The following GNA14 variants were observed in gnomAD, a reference collection of about 807,000 sequenced individuals.
GNA14 encodes the protein guanine nucleotide-binding protein subunit alpha-14.
A neutral mutation model predicts 42.0 loss-of-function variants in GNA14; 50 were observed. That is an observed-to-expected ratio of 1.19 (90% confidence interval 0.95 to 1.51). The LOEUF (loss-of-function observed/expected upper bound fraction) is 1.51. Ranked by LOEUF, GNA14 falls within the 40% of genes most tolerant of loss-of-function variation. The pLI is 0.00. For missense variants in GNA14, 473 were observed against 446.2 expected (o/e 1.06, Z -0.54); for synonymous variants, 173 against 163.1 (o/e 1.06, Z -0.46).
At position 77,431,354 on chromosome 9, in the gene GNA14, T is replaced by A. The variant is rs1452393293; in HGVS notation, c.560A>T (p.Glu187Val). ...RVRVPTTGII[E>V]YPFDLENIIF... Reference sequence around the variant, plus strand: ...GATGTTTTCCAAGTCAAATGGATACTCAATGATGCCGGTGGTGGGCACTCG... The same window carrying A: ...GATGTTTTCCAAGTCAAATGGATACACAATGATGCCGGTGGTGGGCACTCG... The change falls in exon 4 of 7, where the codon GAG (glutamate) becomes GTG (valine). Residue 187 changes from glutamate (E) to valine (V), a missense_variant. Transcript: ENST00000341700. 6.2e-7 allele frequency: 1 copy of A among 1,613,920 alleles called. No homozygotes were observed.
At chr9:77,626,871 A>C (rs1824019917) in intron 1 of GNA14, among the ~76,000 whole-genome samples, 1 of 152,190 alleles carries the variant, frequency 6.6e-6, no homozygotes, top group Admixed American at 6.5e-5. Flanking sequence ...AGAAGACAAG[A>C]AACAGCTAAG....
chr9:77,502,488 T>G (rs556577676), intron 2 of GNA14, among the ~76,000 whole-genome samples: 1 of 152,280 alleles, frequency 6.6e-6, no homozygotes, highest in African/African-American at 2.4e-5. Flanking sequence ...TGGGTGACGG[T>G]TGGGAGATCT....
At chr9:77,606,458 ATTC>A (rs1334050017) in intron 1 of GNA14, among the ~76,000 whole-genome samples, 3 of 152,334 alleles carry the variant, frequency 2.0e-5, no homozygotes, top group East Asian at 1.9e-4. Flanking sequence ...ACCCTCTTGG[ATTC>A]TTCTTAATAT....
chr9:77,518,080 G>A (rs1465536257), intron 2 of GNA14: 1 of 152,156 alleles, frequency 6.6e-6, no homozygotes, highest in East Asian at 1.9e-4. Context: ...ACAGCAGAAT[G>A]TGATTTTTCA....
At chr9:77,504,333 C>CAGCA (rs974169881) in intron 2 of GNA14, among the ~76,000 whole-genome samples, 10 of 152,166 alleles carry the variant, frequency 6.6e-5, no homozygotes, top group African/African-American at 2.4e-4. Context: ...TTCACAAGAC[C>CAGCA]TGCTCTCATA....
At chr9:77,429,068 T>C (rs750939533) in intron 4 of GNA14, 32 bp from the exon 5 acceptor site, 9 of 1,611,244 alleles carry the variant, frequency 5.6e-6, no homozygotes, top group South Asian at 1.1e-5. Flanking sequence ...CCTTCAAAGG[T>C]TGGAATACAT....
intron 1 of GNA14, among the ~76,000 whole-genome samples, chr9:77,559,655 T>C (rs908974670): frequency 1.3e-5 from 2 of 152,216 alleles, no homozygotes; most frequent in South Asian, 4.1e-4. Flanking sequence ...AAGAAGTGGT[T>C]AGTCCAACAA....
intron 4 of GNA14, among the ~76,000 whole-genome samples, chr9:77,429,962 T>C (rs1244386688): frequency 6.6e-6 from 1 of 151,294 alleles, no homozygotes; most frequent in East Asian, 1.9e-4. Context: ...CTGAAGGCAC[T>C]GGGTCATTGT....
At chr9:77,437,653 A>G (rs1835660530) in intron 2 of GNA14, among the ~76,000 whole-genome samples, 1 of 152,006 alleles carries the variant, frequency 6.6e-6, no homozygotes, top group Non-Finnish European at 1.5e-5. Flanking sequence ...AAGGAAGGAA[A>G]GAAAGAAAGA....
At chr9:77,555,849 C>T (rs1286069098) in intron 1 of GNA14, among the ~76,000 whole-genome samples, 1 of 152,172 alleles carries the variant, frequency 6.6e-6, no homozygotes, top group Non-Finnish European at 1.5e-5. Context: ...AGCATAACAG[C>T]ATAGATGGAT....
chr9:77,564,019 C>A (rs1474275844), intron 1 of GNA14, among the ~76,000 whole-genome samples: 2 of 152,176 alleles, frequency 1.3e-5, no homozygotes, highest in African/African-American at 2.4e-5. Context: ...CATCCCTCAG[C>A]TCGTTTGATC....
chr9:77,565,965 G>A (rs981076997), intron 1 of GNA14, among the ~76,000 whole-genome samples: 1 of 150,490 alleles, frequency 6.6e-6, no homozygotes, highest in African/African-American at 2.5e-5. Flanking sequence ...AAACACTCTG[G>A]CCACAACTTA....
intron 2 of GNA14, among the ~76,000 whole-genome samples, chr9:77,491,249 AAAGGAAAC>A (rs1486523316): frequency 6.6e-6 from 1 of 152,256 alleles, no homozygotes; most frequent in African/African-American, 2.4e-5. Flanking sequence ...TAACATGCAA[AAAGGAAAC>A]ATTTGAAGGT....
chr9:77,621,012 C>T (rs1027365049), intron 1 of GNA14, among the ~76,000 whole-genome samples: 79 of 152,100 alleles, frequency 5.2e-4, no homozygotes, highest in Non-Finnish European at 3.2e-4. Context: ...CAGCTCACTG[C>T]AGTCTCCACC....
intron 2 of GNA14, among the ~76,000 whole-genome samples, chr9:77,435,323 C>T (rs973592558): frequency 7.2e-5 from 11 of 151,950 alleles, no homozygotes; most frequent in African/African-American, 2.7e-4. Context: ...TGCCAAGGCA[C>T]TCCAGCCTGG....
chr9:77,558,051 G>A (rs1461847684), intron 1 of GNA14, among the ~76,000 whole-genome samples: 1 of 152,112 alleles, frequency 6.6e-6, no homozygotes, highest in African/African-American at 2.4e-5. Flanking sequence ...CAGTCTCCCA[G>A]CTTTCTGGGG....
At chr9:77,454,925 G>A (rs2131707003) in intron 2 of GNA14, among the ~76,000 whole-genome samples, 1 of 152,342 alleles carries the variant, frequency 6.6e-6, no homozygotes, top group South Asian at 2.1e-4. Context: ...TTCAAAGGCT[G>A]TGGATTCCAG....
chr9:77,441,260 C>T (rs1835729059), intron 2 of GNA14, among the ~76,000 whole-genome samples: 1 of 152,146 alleles, frequency 6.6e-6, no homozygotes, highest in South Asian at 2.1e-4. Flanking sequence ...TTCTCCCATG[C>T]TGTTCTCGTG....
chr9:77,444,220 A>C (rs1355735575), intron 2 of GNA14, among the ~76,000 whole-genome samples: 2 of 152,202 alleles, frequency 1.3e-5, no homozygotes, highest in African/African-American at 4.8e-5. Context: ...TGCAAGGCAG[A>C]AGGACGCATC....
Sources: gnomAD v4.1 joint callset for allele counts (sites outside exome capture counted in the v4.1 genomes callset) on GRCh38, gnomAD v4.1.1 for gene constraint, MANE v1.5 for transcripts, NCBI Gene and HGNC (gene_info 2026-07-23, HGNC 2026-07-21) for gene names.